Variants in RNGTT observed in about 807,000 individuals in gnomAD.
RNGTT encodes RNA guanylyltransferase and 5'-phosphatase, also known as mRNA-capping enzyme.
In RNGTT, 33 loss-of-function variants were observed where a neutral mutation model predicts 79.3. The observed-to-expected ratio is 0.42, with a 90% CI of 0.32 to 0.56. The LOEUF (loss-of-function observed/expected upper bound fraction) is 0.56, where lower values mean the gene tolerates loss of function less well. RNGTT is among the 20% of genes least tolerant of loss of function. The probability of loss-of-function intolerance (pLI) is 0.17; values close to 1 mark genes in which losing one functional copy is unlikely to be tolerated. For missense variants in RNGTT, 497 were observed against 739.1 expected (o/e 0.67, Z 3.80); for synonymous variants, 222 against 235.9 (o/e 0.94, Z 0.54).
intron 13 of RNGTT, among the ~76,000 whole-genome samples, chr6:88,738,392 A>G (rs1777355188): frequency 6.6e-6 from 1 of 152,230 alleles, no homozygotes; most frequent in Non-Finnish European, 1.5e-5. Context: ...AAGGACATCA[A>G]GTAAAAACTA....
At chr6:88,685,678 G>A (rs773710713) in intron 13 of RNGTT, among the ~76,000 whole-genome samples, 1 of 151,974 alleles carries the variant, frequency 6.6e-6, no homozygotes, top group Non-Finnish European at 1.5e-5. Context: ...AACTACCTGA[G>A]AAACAGGATG....
rs140072399 is a variant in RNGTT, at chr6:88,663,799, C to T, written c.1506+14554G>A. On this transcript the variant is annotated intron_variant, in intron 14 of 15. Coordinates refer to ENST00000369485, the MANE Select transcript of RNGTT (RefSeq NM_003800.5). ...GACACAAATGCCCCTAAGAGAGCAA[C>T]GGTATACTGGGGTAAATGAGGAGGG... 3.8e-3 allele frequency among the ~76,000 whole-genome samples: 575 copies of T among 152,242 alleles called. 5 individuals are homozygous for T. The highest frequency in any genetic ancestry group is 0.013 in the African/African-American group (531 of 41,526).
intron 11 of RNGTT, among the ~76,000 whole-genome samples, chr6:88,843,365 C>CT (rs1421804776): frequency 6.6e-6 from 1 of 151,936 alleles, no homozygotes; most frequent in Non-Finnish European, 1.5e-5. Flanking sequence ...TAGAAGCAAT[C>CT]TAAAAACCCA....
In RNGTT at chr6:88,963,416, G is replaced by A; in HGVS notation, c.-7C>T. The stretch of plus-strand genomic sequence containing the variant: ...GGATCTTGTTGTGAGCCATGTCTTG[G>A]GGCTGCGCAGAGCTGCCCTCCCTCA... On this transcript the variant is annotated 5_prime_UTR_variant, in exon 1 of 16. Transcript: ENST00000369485. The A allele has an allele frequency of 6.3e-7, 1 of 1,592,120 alleles. No homozygotes were observed. The highest frequency in any genetic ancestry group is 2.4e-5 in the East Asian group (1 of 42,450).
chr6:88,638,901 G>C (rs1466955038), intron 14 of RNGTT, among the ~76,000 whole-genome samples: 1 of 152,124 alleles, frequency 6.6e-6, no homozygotes, highest in Non-Finnish European at 1.5e-5. Flanking sequence ...ACTTCAATTT[G>C]TTGAAATATG....
chr6:88,934,680 G>A (rs1378442793), intron 2 of RNGTT, among the ~76,000 whole-genome samples: 1 of 151,716 alleles, frequency 6.6e-6, no homozygotes, highest in South Asian at 2.1e-4. Context: ...CTCACTCGTT[G>A]CCCAGGCTGG....
At chr6:88,622,947 C>CAA (rs1167281090) in intron 14 of RNGTT, among the ~76,000 whole-genome samples, 1 of 152,134 alleles carries the variant, frequency 6.6e-6, no homozygotes, top group Admixed American at 6.6e-5. Context: ...AAAATGTTTA[C>CAA]AAAATGATAA....
At chr6:88,623,120 AG>A (rs1250795453) in intron 14 of RNGTT, among the ~76,000 whole-genome samples, 1 of 152,032 alleles carries the variant, frequency 6.6e-6, no homozygotes, top group East Asian at 1.9e-4. Context: ...GTAGAAAGGA[AG>A]CAAAAGCAAG....
chr6:88,659,506 G>C (rs1774102162), intron 14 of RNGTT, among the ~76,000 whole-genome samples: 1 of 151,910 alleles, frequency 6.6e-6, no homozygotes, highest in Non-Finnish European at 1.5e-5. Flanking sequence ...AAATACACTG[G>C]AAAGTTTCAA....
At chr6:88,643,897 G>A (rs1773424618) in intron 14 of RNGTT, among the ~76,000 whole-genome samples, 2 of 152,180 alleles carry the variant, frequency 1.3e-5, no homozygotes, top group African/African-American at 4.8e-5. Flanking sequence ...ACAAGAGAAA[G>A]CAGGAAAGAT....
Position 88,612,382 on chromosome 6 carries a change from T to C in RNGTT, c.*337A>G, listed in dbSNP as rs1291312374. ...GTTTCCAGATTGTTAACTTTATAAATTAAATGTGAAGCTACCCATATATAA... is the reference window on the plus strand; with the variant it reads ...GTTTCCAGATTGTTAACTTTATAAACTAAATGTGAAGCTACCCATATATAA... On this transcript the variant is annotated 3_prime_UTR_variant, in exon 16 of 16. Transcript: ENST00000369485. 5.9e-6 allele frequency: 1 copy of C among 168,740 alleles called. No homozygotes were observed. Among genetic ancestry groups the C allele is most frequent in the Admixed American group, 6.2e-5 (1 of 16,036 alleles). The allele number at this position is 168,740 out of a possible 1,614,324, so 10.5% of individuals were successfully genotyped here.
At chr6:88,878,492 G>C (rs1422665175) in intron 8 of RNGTT, among the ~76,000 whole-genome samples, 2 of 151,932 alleles carry the variant, frequency 1.3e-5, no homozygotes, top group African/African-American at 2.4e-5. Flanking sequence ...TTTTACTTTT[G>C]TGGAGTCTGG....
At chr6:88,732,933 T>C (rs1019412477) in intron 13 of RNGTT, among the ~76,000 whole-genome samples, 1 of 152,176 alleles carries the variant, frequency 6.6e-6, no homozygotes, top group African/African-American at 2.4e-5. Flanking sequence ...CACTTAAAAA[T>C]GATTAAGATA....
intron 14 of RNGTT, among the ~76,000 whole-genome samples, chr6:88,614,946 C>T (rs1772164155): frequency 1.3e-5 from 2 of 152,210 alleles, no homozygotes; most frequent in African/African-American, 4.8e-5. Context: ...CTTCAGGAAA[C>T]TTAGCCTTTC....
intron 14 of RNGTT, among the ~76,000 whole-genome samples, chr6:88,671,764 C>T (rs1338318707): frequency 6.6e-6 from 1 of 152,116 alleles, no homozygotes; most frequent in Non-Finnish European, 1.5e-5. Flanking sequence ...GGCAGGTAGA[C>T]CAATGGAACA....
At chr6:88,662,585 C>T (rs1174159622) in intron 14 of RNGTT, among the ~76,000 whole-genome samples, 1 of 152,218 alleles carries the variant, frequency 6.6e-6, no homozygotes, top group Non-Finnish European at 1.5e-5. Flanking sequence ...GCAACCATTC[C>T]TGCTACATTT....
chr6:88,845,483 CAG>C (rs1408812917), intron 10 of RNGTT, among the ~76,000 whole-genome samples: 1 of 152,154 alleles, frequency 6.6e-6, no homozygotes, highest in African/African-American at 2.4e-5. Context: ...AGTAACCATC[CAG>C]ATTAGTAATT....
intron 1 of RNGTT, among the ~76,000 whole-genome samples, chr6:88,952,556 A>G (rs1199576634): frequency 6.6e-6 from 1 of 152,254 alleles, no homozygotes; most frequent in East Asian, 1.9e-4. Context: ...CTCCCAGGAA[A>G]GATAAAATAA....
At chr6:88,813,227 C>T (rs181164518) in intron 11 of RNGTT, among the ~76,000 whole-genome samples, 192 of 152,280 alleles carry the variant, frequency 1.3e-3, no homozygotes, top group Middle Eastern at 6.8e-3. Flanking sequence ...ACGAACTTGC[C>T]GGTGTCACAG....
Sources: allele counts gnomAD v4.1 joint callset (sites outside exome capture counted in the v4.1 genomes callset), GRCh38; gene constraint gnomAD v4.1.1; transcripts MANE v1.5; gene names NCBI Gene and HGNC (gene_info 2026-07-23, HGNC 2026-07-21).